The following NOL9 variants were observed in gnomAD, a reference collection of about 807,000 sequenced individuals.
The protein encoded by NOL9 is polynucleotide 5'-hydroxyl-kinase NOL9.
NOL9 carries 28 observed loss-of-function variants against 67.9 expected under a neutral mutation model. The ratio of observed to expected loss-of-function variants is 0.41; its 90% CI spans 0.31 to 0.57. The LOEUF (loss-of-function observed/expected upper bound fraction) is 0.57, where lower values mean the gene tolerates loss of function less well. Ranked by LOEUF, NOL9 falls within the 20% of genes least tolerant of loss-of-function variation. The pLI is 0.25. For synonymous variants in NOL9, 356 were observed against 352.2 expected (o/e 1.01, Z -0.12); for missense variants, 777 against 897.0 (o/e 0.87, Z 1.71).
At chr1:6,534,429 C>T (rs1639102711) in intron 6 of NOL9, among the ~76,000 whole-genome samples, 1 of 152,134 alleles carries the variant, frequency 6.6e-6, no homozygotes. Context: ...AGGCCAGTGA[C>T]CAGGACTGTG....
intron 5 of NOL9, among the ~76,000 whole-genome samples, chr1:6,542,284 C>T (rs368679852): frequency 2.0e-5 from 3 of 151,746 alleles, no homozygotes; most frequent in East Asian, 1.9e-4. Context: ...CCTCAGCCTC[C>T]GGAGTAGCTG....
At chr1:6,546,370 G>A (rs1293427516) in intron 3 of NOL9, among the ~76,000 whole-genome samples, 1 of 152,164 alleles carries the variant, frequency 6.6e-6, no homozygotes, top group African/African-American at 2.4e-5. Flanking sequence ...TCCTGGTCCA[G>A]CTACTGGACT....
In NOL9 at chr1:6,523,739, C is replaced by A. The variant is rs1412979234; in HGVS notation, c.*2115G>T. ...GTCTCCGAACCTCCTTCCCTAAACC[C>A]TGTACAGCTTCCTGGGCCAACTCTA... is the stretch of plus-strand genomic sequence containing the variant. On this transcript the variant is annotated 3_prime_UTR_variant, in exon 12 of 12. Transcript: ENST00000377705. 1.3e-5 allele frequency: 2 copies of A among 152,304 alleles called. No homozygotes were observed. The highest frequency in any genetic ancestry group is 2.9e-5 in the Non-Finnish European group (2 of 68,158). 9.4% of individuals were successfully genotyped at this position (152,304 alleles called of 1,614,324 possible).
At chr1:6,527,326 A>G (rs1246587262) in intron 10 of NOL9, among the ~76,000 whole-genome samples, 1 of 151,576 alleles carries the variant, frequency 6.6e-6, no homozygotes, top group Non-Finnish European at 1.5e-5. Flanking sequence ...GTGTTCAGCC[A>G]CGAGGAACAA....
intron 10 of NOL9, among the ~76,000 whole-genome samples, 191 bp from the exon 11 acceptor site, chr1:6,527,020 T>C (rs1015793156): frequency 6.6e-6 from 1 of 151,098 alleles, no homozygotes; most frequent in South Asian, 2.1e-4. Context: ...CCGAGGCGGG[T>C]GGACTACCTG....
chr1:6,543,265 G>A (rs747077951), intron 5 of NOL9, among the ~76,000 whole-genome samples: 81 of 150,920 alleles, frequency 5.4e-4, no homozygotes, highest in African/African-American at 1.9e-3. Context: ...GCACCATCTC[G>A]GCTCACTGCA....
chr1:6,524,068 T>G lies in NOL9; in HGVS notation c.*1786A>C, dbSNP rs1557778914. 2 of 152,172 alleles carry G rather than the reference T, an allele frequency of 1.3e-5. No individual in the cohort carries two copies. Among genetic ancestry groups the G allele is most frequent in the Admixed American group, 1.3e-4 (2 of 15,272 alleles). The allele number at this position is 152,172 out of a possible 1,614,324, so 9.4% of individuals were successfully genotyped here. A position where few individuals can be genotyped will look rare whatever the true frequency, so the allele number is the denominator to read the frequency against. ...AAGGCCAGCACAGTAAAACATCATA[T>G]GAATGAGCCAGATTTCAACATAAAT... is the stretch of plus-strand genomic sequence containing the variant. On this transcript the variant is annotated 3_prime_UTR_variant, in exon 12 of 12. Transcript: ENST00000377705.
At position 6,540,230 on chromosome 1, in the gene NOL9, C is replaced by G. The variant is rs1046350403; in HGVS notation, c.1075+1600G>C. ...CTCCGCCTCCTGGGTTCATGCCATT[C>G]TCCTGCCTCAGCCTCCCAAGTAGCT... On this transcript the variant is annotated intron_variant, in intron 6 of 11. Transcript: ENST00000377705. Among the ~76,000 whole-genome samples the G allele has an allele frequency of 2.0e-5, 3 of 150,324 alleles. No homozygotes were observed. In the Admixed American group the frequency reaches 2.0e-4, roughly 10 times the overall value.
Position 6,554,463 on chromosome 1 carries a change from G to C in NOL9, c.40C>G (p.Arg14Gly). ...SGLLLKRGSC[R>G]STWLRVRKAR... Reference sequence around the variant, plus strand: ...TTGCGGACCCGCAGCCAAGTGGAACGGCAGGAACCCCGCTTTAGCAGCAGT... The same window carrying C: ...TTGCGGACCCGCAGCCAAGTGGAACCGCAGGAACCCCGCTTTAGCAGCAGT... Residue 14 changes from arginine (R) to glycine (G), a missense_variant, in exon 1 of 12, where the codon CGT becomes GGT. This residue lies in a region of NOL9 where 364 missense variants were observed against 344.4 expected (regional missense o/e 1.06). Transcript: ENST00000377705. The C allele has an allele frequency of 1.3e-6, 2 of 1,551,112 alleles. No homozygotes were observed. The highest frequency in any genetic ancestry group is 1.7e-6 in the Non-Finnish European group (2 of 1,160,864).
rs1638828568 is a variant in NOL9 at position 6,524,131 on chromosome 1, G to A, written c.*1723C>T. On this transcript the variant is annotated 3_prime_UTR_variant, in exon 12 of 12. Coordinates refer to ENST00000377705, the MANE Select transcript of NOL9 (RefSeq NM_024654.5). Reference sequence around the variant, plus strand: ...AGAAGCTAGACTCAATTGTCTCAAAGGTATCAAAACTAATCACCATAGCAA... The same window carrying A: ...AGAAGCTAGACTCAATTGTCTCAAAAGTATCAAAACTAATCACCATAGCAA... The A allele has an allele frequency of 6.6e-6, 1 of 152,106 alleles. No individual in the cohort carries two copies. Among genetic ancestry groups the A allele is most frequent in the South Asian group, 2.1e-4 (1 of 4,822 alleles). 9.4% of individuals were successfully genotyped at this position (152,106 alleles called of 1,614,324 possible).
chr1:6,531,867 G>T, intron 9 of NOL9, 101 bp downstream of exon 9: 1 of 834,854 alleles, frequency 1.2e-6, no homozygotes, highest in South Asian at 1.5e-5. Context: ...AGGATTAAAT[G>T]AGCGAGGAGT....
Position 6,522,798 on chromosome 1 carries a change from C to A in NOL9, c.*3056G>T, listed in dbSNP as rs1053605024. On this transcript the variant is annotated 3_prime_UTR_variant, in exon 12 of 12. Coordinates refer to ENST00000377705, the MANE Select transcript of NOL9 (RefSeq NM_024654.5). ...ACTCAGGAGGCTGAGGCAGGAGAAT[C>A]GCTTAAACCTGGGAGGCGGAAGTTG... 2 of 147,238 alleles carry A rather than the reference C, an allele frequency of 1.4e-5. No individual in the cohort carries two copies. The highest frequency in any genetic ancestry group is 2.0e-4 in the East Asian group (1 of 5,016). The allele number at this position is 147,238 out of a possible 1,614,324, so 9.1% of individuals were successfully genotyped here. A position where few individuals can be genotyped will look rare whatever the true frequency, so the allele number is the denominator to read the frequency against.
Position 6,525,500 on chromosome 1 carries a change from G to C in NOL9, c.*354C>G, listed in dbSNP as rs147847447. The C allele has an allele frequency of 1.7e-5, 4 of 232,750 alleles. No homozygotes were observed. The highest frequency in any genetic ancestry group is 3.4e-5 in the Non-Finnish European group (4 of 118,526). The allele number at this position is 232,750 out of a possible 1,614,324, so 14.4% of individuals were successfully genotyped here. ...AGGTCGGCCTTCTTCCTTCCTTCTC[G>C]GTACATTGTAATGGCCCCAGTTTCC... On this transcript the variant is annotated 3_prime_UTR_variant, in exon 12 of 12. Coordinates refer to ENST00000377705, the MANE Select transcript of NOL9 (RefSeq NM_024654.5).
chr1:6,550,490 C>G lies in NOL9; in HGVS notation c.522G>C (p.Leu174Phe). 2 of 1,614,090 alleles carry G rather than the reference C, an allele frequency of 1.2e-6. No individual in the cohort carries two copies. ...DIFSVYTHSC[L>F]SIHALHYSQP... The stretch of plus-strand genomic sequence containing the variant: ...GTGAGTAGTGAAGTGCATGGATACT[C>G]AAGCAAGAGTGGGTATACACAGAGA... The change falls in exon 2 of 12, where the codon TTG (leucine) becomes TTC (phenylalanine). Residue 174 changes from leucine to phenylalanine, a missense_variant. Transcript: ENST00000377705.
intron 6 of NOL9, among the ~76,000 whole-genome samples, chr1:6,536,228 C>T (rs1435203534): frequency 2.6e-5 from 4 of 151,966 alleles, no homozygotes; most frequent in Non-Finnish European, 4.4e-5. Flanking sequence ...CACCTGTGGT[C>T]CCAGCTACTC....
chr1:6,547,974 G>T, intron 3 of NOL9: 1 of 280,322 alleles, frequency 3.6e-6, no homozygotes, highest in Non-Finnish European at 7.2e-6. Context: ...ACAATACACC[G>T]TCATAGGCTT....
chr1:6,543,012 G>A (rs925556574), intron 5 of NOL9, among the ~76,000 whole-genome samples: 6 of 151,628 alleles, frequency 4.0e-5, no homozygotes, highest in Non-Finnish European at 8.8e-5. Context: ...TCCCTCCTTA[G>A]CCTCCCAAGT....
chr1:6,528,747 C>G (rs1158407322), intron 10 of NOL9, among the ~76,000 whole-genome samples: 2 of 152,202 alleles, frequency 1.3e-5, no homozygotes, highest in Non-Finnish European at 2.9e-5. Flanking sequence ...GGAGAAGTGT[C>G]GAGCAAGAAG....
intron 9 of NOL9, among the ~76,000 whole-genome samples, chr1:6,529,860 A>G (rs2148650525): frequency 6.6e-6 from 1 of 152,222 alleles, no homozygotes; most frequent in Non-Finnish European, 1.5e-5. Context: ...CAGGAGGCGG[A>G]GGTTGCAGTG....
Sources: allele counts gnomAD v4.1 joint callset (sites outside exome capture counted in the v4.1 genomes callset), GRCh38; gene constraint gnomAD v4.1.1; regional missense constraint gnomAD v4.1.1; transcripts MANE v1.5; gene names NCBI Gene and HGNC (gene_info 2026-07-23, HGNC 2026-07-21).